The following STRN3 variants were observed in gnomAD, a reference collection of about 807,000 sequenced individuals.
STRN3 encodes striatin 3.
STRN3 carries 29 observed loss-of-function variants against 95.6 expected under a neutral mutation model. That is an observed-to-expected ratio of 0.30 (90% CI 0.23 to 0.41). The LOEUF (loss-of-function observed/expected upper bound fraction) is 0.41. Ranked by LOEUF, STRN3 falls within the 10% of genes least tolerant of loss-of-function variation. The pLI, the probability that STRN3 is intolerant of heterozygous loss-of-function variation, is 1.00. For missense variants in STRN3, 890 were observed against 972.1 expected, an observed-to-expected ratio of 0.92 and a Z score of 1.12; for synonymous variants, 331 against 357.6, an observed-to-expected ratio of 0.93 and a Z score of 0.84.
chr14:30,969,831 T>C (rs899387639), intron 1 of STRN3, among the ~76,000 whole-genome samples: 7 of 152,028 alleles, frequency 4.6e-5, no homozygotes, highest in Non-Finnish European at 1.0e-4. Context: ...GAATTTCCAG[T>C]AAACCAGCAC....
chr14:31,010,818 C>A (rs1882936485), intron 1 of STRN3, among the ~76,000 whole-genome samples: 2 of 152,200 alleles, frequency 1.3e-5, no homozygotes, highest in Admixed American at 1.3e-4. Context: ...GCGGGTAGAT[C>A]ACCTGAGGTC....
At position 30,949,112 on chromosome 14, in the gene STRN3, G is replaced by C. The variant is rs76100790; in HGVS notation, c.542+1751C>G. Among the ~76,000 whole-genome samples, 1,450 of 152,304 alleles carry C rather than the reference G, an allele frequency of 9.5e-3. 25 individuals are homozygous for C. Among genetic ancestry groups the C allele is most frequent in the African/African-American group, 0.033 (1,351 of 41,550 alleles). ...AATAAGAATGTCTTTAGAGTTTCCA[G>C]TCTGAGAGGGCCTCCAAGCTATCCT... On this transcript the variant is annotated intron_variant, in intron 4 of 17. Coordinates refer to ENST00000357479, the MANE Select transcript of STRN3 (RefSeq NM_001083893.2).
At chr14:30,966,721 C>A (rs1185109245) in intron 1 of STRN3, among the ~76,000 whole-genome samples, 1 of 152,134 alleles carries the variant, frequency 6.6e-6, no homozygotes, top group Admixed American at 6.5e-5. Context: ...ACCCTGCTTG[C>A]GGTGTTGTGT....
chr14:31,004,756 A>G (rs960404568), intron 1 of STRN3, among the ~76,000 whole-genome samples: 1 of 151,864 alleles, frequency 6.6e-6, no homozygotes, highest in East Asian at 1.9e-4. Context: ...CTGGGCAACA[A>G]GAGTGAAACT....
rs899887351 is a variant in STRN3 at position 30,955,635 on chromosome 14, G to A, written c.445C>T (p.Pro149Ser). Residue 149 changes from proline (P) to serine (S), a missense_variant, in exon 3 of 18, where the codon CCA becomes TCA. Physicochemically the swap from Pro to Ser is moderately conservative, Grantham distance 74. This residue lies in a region of STRN3 where 526 missense variants were observed against 526.3 expected (regional missense o/e 1.00). Transcript: ENST00000357479. The stretch of plus-strand genomic sequence containing the variant: ...GCAAGTTTACCTGACTCAAAGGTTG[G>A]CATTTTCAAGTCACCTTGGTTCAGT... Reference protein sequence around the residue: ...TELNQGDLKMPTFESEETKDT... With the variant: ...TELNQGDLKMSTFESEETKDT... 6 of 1,573,958 alleles carry A rather than the reference G, an allele frequency of 3.8e-6. No homozygotes were observed. The African/African-American group carries it at 4.2e-5, about 11-fold the overall frequency.
chr14:31,026,259 G>C lies in STRN3; in HGVS notation c.-74C>G. On this transcript the variant is annotated 5_prime_UTR_variant, in exon 1 of 18. Coordinates refer to ENST00000357479, the MANE Select transcript of STRN3 (RefSeq NM_001083893.2). ...GGGAAGGGCCGGAGAGGGTGGCCCC[G>C]CGCTGGCTGCGGGGCGGAGGCCGGC... is the stretch of plus-strand genomic sequence containing the variant. 7.5e-7 allele frequency: 1 copy of C among 1,326,316 alleles called. No homozygotes were observed. The highest frequency in any genetic ancestry group is 4.2e-5 in the Admixed American group (1 of 24,086). The allele number at this position is 1,326,316 out of a possible 1,614,324, so 82.2% of individuals were successfully genotyped here.
intron 5 of STRN3, among the ~76,000 whole-genome samples, chr14:30,939,048 T>C (rs1878964989): frequency 6.6e-6 from 1 of 152,112 alleles, no homozygotes; most frequent in Non-Finnish European, 1.5e-5. Context: ...AATAGGATCA[T>C]GTTTGCTGAA....
intron 1 of STRN3, among the ~76,000 whole-genome samples, chr14:30,977,149 C>G (rs1327909212): frequency 6.6e-6 from 1 of 152,050 alleles, no homozygotes; most frequent in Non-Finnish European, 1.5e-5. Flanking sequence ...TCGCTTGAAC[C>G]CAGGAGGCAG....
chr14:31,021,281 A>G (rs1020993794), intron 1 of STRN3, among the ~76,000 whole-genome samples: 3 of 152,170 alleles, frequency 2.0e-5, no homozygotes, highest in Admixed American at 2.0e-4. Flanking sequence ...GGTTAAGAAC[A>G]TGGCCTCTAC....
At chr14:30,912,233 C>T (rs1896629981) in intron 10 of STRN3, 51 bp from the exon 11 acceptor site, 1 of 1,543,768 alleles carries the variant, frequency 6.5e-7, no homozygotes, top group Non-Finnish European at 8.8e-7. Context: ...AACTGGAAGG[C>T]ATGTGGAGTG....
intron 1 of STRN3, among the ~76,000 whole-genome samples, chr14:30,993,641 T>C (rs1566480755): frequency 6.6e-6 from 1 of 152,310 alleles, no homozygotes; most frequent in South Asian, 2.1e-4. Context: ...GCTGCCTATA[T>C]ACATGTAAAA....
intron 10 of STRN3, 73 bp from the exon 11 acceptor site, chr14:30,912,255 C>T: frequency 6.9e-7 from 1 of 1,448,938 alleles, no homozygotes; most frequent in East Asian, 2.3e-5. Context: ...TTGTTCGTTT[C>T]TTTTTGGTGT....
At chr14:31,013,813 T>C (rs1883086044) in intron 1 of STRN3, among the ~76,000 whole-genome samples, 1 of 150,826 alleles carries the variant, frequency 6.6e-6, no homozygotes, top group African/African-American at 2.4e-5. Flanking sequence ...CAGGCTGGTC[T>C]CGAACTCCTG....
intron 13 of STRN3, among the ~76,000 whole-genome samples, chr14:30,909,414 C>T (rs1362933193): frequency 2.1e-5 from 2 of 93,454 alleles, no homozygotes; most frequent in Admixed American, 2.2e-4. Context: ...GCGGAGGTTG[C>T]AGTAAGCCAA....
chr14:31,024,357 T>C (rs1883672802), intron 1 of STRN3, among the ~76,000 whole-genome samples: 1 of 152,188 alleles, frequency 6.6e-6, no homozygotes, highest in Non-Finnish European at 1.5e-5. Flanking sequence ...AAAATTAAGT[T>C]TGCAGTATGT....
intron 9 of STRN3, among the ~76,000 whole-genome samples, chr14:30,916,838 T>C (rs1472521193): frequency 6.6e-6 from 1 of 152,216 alleles, no homozygotes; most frequent in African/African-American, 2.4e-5. Flanking sequence ...TTTCAGACTT[T>C]TGTAACTAAT....
chr14:30,991,325 T>A (rs1206081333), intron 1 of STRN3, among the ~76,000 whole-genome samples: 3 of 152,148 alleles, frequency 2.0e-5, no homozygotes, highest in Non-Finnish European at 4.4e-5. Context: ...TGAAATAATA[T>A]GAGTACTAGT....
chr14:30,927,058 C>A (rs958429348), intron 8 of STRN3, among the ~76,000 whole-genome samples: 1 of 151,002 alleles, frequency 6.6e-6, no homozygotes, highest in Non-Finnish European at 1.5e-5. Context: ...AATCTTAACA[C>A]TCTGAAAAGC....
At chr14:30,935,865 C>A (rs1878790558) in intron 6 of STRN3, among the ~76,000 whole-genome samples, 1 of 152,260 alleles carries the variant, frequency 6.6e-6, no homozygotes, top group Non-Finnish European at 1.5e-5. Flanking sequence ...GGAACACTGT[C>A]ATTTTTTTCT....
Sources: allele counts gnomAD v4.1 joint callset (sites outside exome capture counted in the v4.1 genomes callset), GRCh38; gene constraint gnomAD v4.1.1; regional missense constraint gnomAD v4.1.1; transcripts MANE v1.5; gene names NCBI Gene and HGNC (gene_info 2026-07-23, HGNC 2026-07-21).